Variants in GAS5 observed in about 807,000 individuals in gnomAD.
GAS5 encodes growth arrest specific 5 (non-protein coding).
In GAS5 at chr1:173,866,620, C is replaced by A. The variant is rs1322772; in HGVS notation, n.92-53G>T. The A allele has an allele frequency of 0.03, 22,825 of 763,876 alleles. 2,994 individuals are homozygous for A. The African/African-American group carries it at 0.31, about 10-fold the overall frequency. The allele number at this position is 763,876 out of a possible 1,614,324, so 47.3% of individuals were successfully genotyped here. The stretch of plus-strand genomic sequence containing the variant: ...TAGGTGTACTCTCTATGTTCCCCAA[C>A]TCACCATTTTGGGTGCCTCAGTTAA... On this transcript the variant is annotated intron_variant and non_coding_transcript_variant, in intron 2 of 7. Transcript: ENST00000651080.
At chr1:173,867,622 AG>A, upstream of GAS5, 1 of 518,110 alleles carries the variant, frequency 1.9e-6, no homozygotes, top group Non-Finnish European at 3.9e-6. Flanking sequence ...CGGCTGATGG[AG>A]GCTCGGGTCA....
chr1:173,867,309 CAG>C, upstream of GAS5: 1 of 452,320 alleles, frequency 2.2e-6, no homozygotes, highest in Non-Finnish European at 4.0e-6. Flanking sequence ...CACCTGAGGT[CAG>C]GAGTTCAAGA....
exon 5 of GAS5, chr1:173,865,887 G>A (rs989847075): frequency 9.6e-6 from 5 of 518,674 alleles, no homozygotes; most frequent in Non-Finnish European, 1.9e-5. Context: ...AGGCAAGTTG[G>A]ACTCCACCTA....
intron 6 of GAS5, chr1:173,864,494 A>T (rs1557868860): frequency 4.0e-6 from 2 of 497,784 alleles, no homozygotes; most frequent in Admixed American, 4.2e-5. Context: ...CTAGTTTAGG[A>T]TAACAGGTCT....
At chr1:173,867,978 T>C (rs112154254), upstream of GAS5, 4 of 331,880 alleles carry the variant, frequency 1.2e-5, no homozygotes, top group Non-Finnish European at 1.8e-5. Flanking sequence ...AGTCGACTCC[T>C]ACCTCGAAAA....
upstream of GAS5, chr1:173,867,226 C>A: frequency 1.9e-6 from 1 of 535,020 alleles, no homozygotes. Context: ...CAGTTAAGAA[C>A]CACCGATGGC....
chr1:173,864,754 G>A, intron 6 of GAS5: 1 of 512,148 alleles, frequency 2.0e-6, no homozygotes. Flanking sequence ...ACAATTAGGA[G>A]TAATCCAAAA....
chr1:173,866,025 C>T, intron 4 of GAS5: 1 of 519,154 alleles, frequency 1.9e-6, no homozygotes, highest in Non-Finnish European at 3.8e-6. Context: ...TATCATCATC[C>T]AGGCTGCATT....
chr1:173,867,294 T>G (rs1572031019), upstream of GAS5: 2 of 467,744 alleles, frequency 4.3e-6, no homozygotes, highest in Non-Finnish European at 7.6e-6. Flanking sequence ...CCACGGCTGG[T>G]GGATCACCTG....
chr1:173,864,847 G>GA (rs1237245287), intron 6 of GAS5: 2 of 519,058 alleles, frequency 3.9e-6, no homozygotes. Context: ...AGATAGGAGC[G>GA]AAAGACTTAA....
At chr1:173,867,323 C>A (rs1654901049), upstream of GAS5, 3 of 429,952 alleles carry the variant, frequency 7.0e-6, no homozygotes, top group South Asian at 8.5e-5. Flanking sequence ...AGTTCAAGAC[C>A]AGTCTCGCCA....
At chr1:173,867,442 G>A (rs181345183), upstream of GAS5, 45 of 357,714 alleles carry the variant, frequency 1.3e-4, no homozygotes, top group African/African-American at 8.9e-4. Context: ...AACTCGGGAC[G>A]CGGAGGTTGC....
intron 5 of GAS5, chr1:173,865,602 CAA>C: frequency 1.9e-6 from 1 of 519,178 alleles, no homozygotes; most frequent in South Asian, 1.4e-5. Flanking sequence ...AAACTCTTTT[CAA>C]AGTTGTCTGT....
intron 7 of GAS5, chr1:173,864,013 A>C (rs1448092190): frequency 2.8e-6 from 1 of 351,408 alleles, no homozygotes; most frequent in African/African-American, 2.1e-5. Flanking sequence ...ACTTGAGCCC[A>C]GAAGTTTGAG....
chr1:173,867,510 TCAAAAAA>T (rs1654947048), upstream of GAS5: 28 of 372,732 alleles, frequency 7.5e-5, no homozygotes, highest in South Asian at 5.5e-4. Flanking sequence ...AGGCTCGGTC[TCAAAAAA>T]GAAAAAAGAA....
chr1:173,866,634 TGCC>T (rs1654712878), intron 2 of GAS5: 1 of 764,086 alleles, frequency 1.3e-6, no homozygotes, highest in Non-Finnish European at 2.4e-6. Flanking sequence ...CCATTTTGGG[TGCC>T]TCAGTTAAGA....
At chr1:173,866,234 A>G in intron 3 of GAS5, 1 of 486,626 alleles carries the variant, frequency 2.1e-6, no homozygotes, top group Non-Finnish European at 4.1e-6. Flanking sequence ...AATTGTCAGC[A>G]AAAAATATTT....
chr1:173,867,287 C>T (rs748531379), upstream of GAS5: 4 of 477,636 alleles, frequency 8.4e-6, no homozygotes, highest in Admixed American at 1.1e-4. Flanking sequence ...TGGGGGACCA[C>T]GGCTGGTGGA....
chr1:173,866,253 G>T (rs1380898721), intron 3 of GAS5: 1 of 491,750 alleles, frequency 2.0e-6, no homozygotes, highest in Admixed American at 2.1e-5. Flanking sequence ...TTTAATGGTA[G>T]ATTGGTGGTA....
Sources: allele counts gnomAD v4.1 joint callset, GRCh38; gene constraint gnomAD v4.1.1; transcripts MANE v1.5; gene names NCBI Gene and HGNC (gene_info 2026-07-23, HGNC 2026-07-21).